The following RSRC1 variants were observed in gnomAD, a reference collection of about 807,000 sequenced individuals.
The protein encoded by RSRC1 is arginine and serine rich coiled-coil 1.
RSRC1 carries 39 observed loss-of-function variants against 49.1 expected under a neutral mutation model. That is an observed-to-expected ratio of 0.79 (90% CI 0.61 to 1.04). RSRC1 has a LOEUF of 1.04. Among genes scored for constraint, RSRC1 ranks in the 50% least tolerant of loss-of-function variants. RSRC1 has a pLI of 0.00. For missense variants in RSRC1, 388 were observed against 402.4 expected, an observed-to-expected ratio of 0.96 and a Z score of 0.31; for synonymous variants, 143 against 130.8, an observed-to-expected ratio of 1.09 and a Z score of -0.63.
At chr3:158,324,694 C>T (rs1728973108) in intron 5 of RSRC1, among the ~76,000 whole-genome samples, 2 of 152,234 alleles carry the variant, frequency 1.3e-5, no homozygotes, top group South Asian at 2.1e-4. Flanking sequence ...AATAAACATA[C>T]GTGTGCATGT....
chr3:158,203,334 T>A, intron 4 of RSRC1, 89 bp downstream of exon 4: 6 of 1,347,636 alleles, frequency 4.5e-6, no homozygotes, highest in African/African-American at 1.5e-5. Flanking sequence ...GTTTTTCTTG[T>A]GGCTTATTTG....
intron 4 of RSRC1, among the ~76,000 whole-genome samples, chr3:158,238,566 A>G (rs1015814926): frequency 6.6e-6 from 1 of 152,182 alleles, no homozygotes; most frequent in Non-Finnish European, 1.5e-5. Flanking sequence ...AACACCACAT[A>G]TTTACAACGA....
At chr3:158,274,955 A>G (rs2108063141) in intron 4 of RSRC1, among the ~76,000 whole-genome samples, 1 of 152,326 alleles carries the variant, frequency 6.6e-6, no homozygotes, top group South Asian at 2.1e-4. Flanking sequence ...ACTTACAGTC[A>G]ACTACTCCCC....
rs1735281127 is a variant in RSRC1 at position 158,424,419 on chromosome 3, G to A, written c.584-36516G>A. ...TATGTTGAACCAGCCTTGCATCCCA[G>A]GGATGAAGCCCACTTGATCATGGTG... is the stretch of plus-strand genomic sequence containing the variant. On this transcript the variant is annotated intron_variant, in intron 6 of 9. Coordinates refer to ENST00000611884, the MANE Select transcript of RSRC1 (RefSeq NM_001271838.2). Among the ~76,000 whole-genome samples the A allele has an allele frequency of 2.6e-5, 4 of 151,726 alleles. No individual in the cohort carries two copies. The South Asian group carries it at 6.3e-4, about 24-fold the overall frequency.
chr3:158,293,543 T>C (rs1259022894), intron 4 of RSRC1, among the ~76,000 whole-genome samples: 1 of 152,120 alleles, frequency 6.6e-6, no homozygotes, highest in African/African-American at 2.4e-5. Context: ...CAGATGATTA[T>C]GGGTGAACTT....
At chr3:158,333,669 C>T (rs574109341) in intron 5 of RSRC1, among the ~76,000 whole-genome samples, 1 of 152,238 alleles carries the variant, frequency 6.6e-6, no homozygotes, top group African/African-American at 2.4e-5. Flanking sequence ...TTTGAAAGCT[C>T]TATCAGAGGC....
intron 4 of RSRC1, among the ~76,000 whole-genome samples, chr3:158,216,685 A>G (rs1721963885): frequency 6.6e-6 from 1 of 151,726 alleles, no homozygotes; most frequent in African/African-American, 2.4e-5. Context: ...GGTTGATTCA[A>G]ATTATCGAAT....
At chr3:158,497,609 G>A (rs1198043278) in intron 7 of RSRC1, among the ~76,000 whole-genome samples, 1 of 151,802 alleles carries the variant, frequency 6.6e-6, no homozygotes, top group Non-Finnish European at 1.5e-5. Flanking sequence ...ACTAATTTTT[G>A]TATTTTTAGT....
At chr3:158,245,464 C>T (rs908958975) in intron 4 of RSRC1, among the ~76,000 whole-genome samples, 3 of 152,086 alleles carry the variant, frequency 2.0e-5, no homozygotes, top group African/African-American at 7.2e-5. Flanking sequence ...AGAGTAAATG[C>T]TGTGTGGTGA....
At chr3:158,178,579 C>G (rs1038125292) in intron 3 of RSRC1, among the ~76,000 whole-genome samples, 1 of 152,118 alleles carries the variant, frequency 6.6e-6, no homozygotes, top group South Asian at 2.1e-4. Context: ...ATTTTCTAAT[C>G]ATTAATTTTT....
chr3:158,371,239 T>G (rs1732058864), intron 6 of RSRC1, among the ~76,000 whole-genome samples: 1 of 151,952 alleles, frequency 6.6e-6, no homozygotes, highest in South Asian at 2.1e-4. Flanking sequence ...CAATGTTTTT[T>G]AAAAATTAAT....
intron 7 of RSRC1, among the ~76,000 whole-genome samples, chr3:158,499,143 C>T (rs1005820382): frequency 2.6e-5 from 4 of 151,958 alleles, no homozygotes; most frequent in African/African-American, 4.8e-5. Flanking sequence ...TTTGGGAAGC[C>T]GAGGCGGACT....
At chr3:158,480,776 T>A (rs996813543) in intron 7 of RSRC1, among the ~76,000 whole-genome samples, 13 of 152,096 alleles carry the variant, frequency 8.5e-5, no homozygotes, top group Non-Finnish European at 4.4e-5. Context: ...TATATTTATA[T>A]TTGTGACTGA....
intron 6 of RSRC1, among the ~76,000 whole-genome samples, chr3:158,442,313 AT>A (rs1736426990): frequency 6.6e-6 from 1 of 152,146 alleles, no homozygotes; most frequent in African/African-American, 2.4e-5. Flanking sequence ...TTCTTTCAAC[AT>A]TGGAGTCAAT....
intron 7 of RSRC1, among the ~76,000 whole-genome samples, chr3:158,510,667 C>A (rs893944035): frequency 6.6e-6 from 1 of 152,104 alleles, no homozygotes; most frequent in African/African-American, 2.4e-5. Context: ...TCCAATTATA[C>A]TTTTTAAGCT....
chr3:158,537,157 T>G lies in RSRC1; in HGVS notation c.718T>G (p.Phe240Val), dbSNP rs764994257. 1 of 1,602,434 alleles carries G rather than the reference T, an allele frequency of 6.2e-7. No individual in the cohort carries two copies. The change falls in exon 8 of 10, where the codon TTT (phenylalanine) becomes GTT (valine). Residue 240 changes from phenylalanine to valine, a missense_variant. Physicochemically the swap from Phe to Val is conservative, Grantham distance 50. Coordinates refer to ENST00000611884, the MANE Select transcript of RSRC1 (RefSeq NM_001271838.2). ...KEIEAIESDS[F>V]VQQTFRSSKE... Reference sequence around the variant, plus strand: ...AATTGAAGCTATTGAAAGTGATTCTTTTGTTCAGCAGACATTCAGATCAAG... The same window carrying G: ...AATTGAAGCTATTGAAAGTGATTCTGTTGTTCAGCAGACATTCAGATCAAG...
At chr3:158,443,615 A>G (rs1736507315) in intron 6 of RSRC1, among the ~76,000 whole-genome samples, 1 of 152,140 alleles carries the variant, frequency 6.6e-6, no homozygotes, top group Admixed American at 6.6e-5. Context: ...CTTTGTCCCT[A>G]TCAGCAATAA....
intron 7 of RSRC1, among the ~76,000 whole-genome samples, chr3:158,499,689 G>A (rs1246126745): frequency 2.6e-5 from 4 of 152,142 alleles, no homozygotes; most frequent in African/African-American, 9.7e-5. Context: ...GTTGGTCGCT[G>A]TTAGTGTATA....
intron 4 of RSRC1, among the ~76,000 whole-genome samples, chr3:158,292,014 ACCATGG>A (rs1726963482): frequency 6.6e-6 from 1 of 152,200 alleles, no homozygotes. Flanking sequence ...TTTCTTGCCT[ACCATGG>A]CATAATTGAT....
Sources: allele counts gnomAD v4.1 joint callset (sites outside exome capture counted in the v4.1 genomes callset), GRCh38; gene constraint gnomAD v4.1.1; transcripts MANE v1.5; gene names NCBI Gene and HGNC (gene_info 2026-07-23, HGNC 2026-07-21).